JPH2: variants seen among roughly 807,000 people sequenced by gnomAD.
JPH2 encodes the protein junctophilin 2, also known as junctophilin-2.
Under a neutral mutation model 55.9 loss-of-function variants are expected in JPH2, and 38 were observed. The observed-to-expected ratio is 0.68, with a 90% CI of 0.52 to 0.89. The LOEUF is 0.89. Among genes scored for constraint, JPH2 ranks in the 40% least tolerant of loss-of-function variants. The pLI is 0.00. For missense variants in JPH2, 964 were observed against 1,037.6 expected (o/e 0.93, Z 0.97); for synonymous variants, 480 against 472.4 (o/e 1.02, Z -0.21).
intron 2 of JPH2, among the ~76,000 whole-genome samples, chr20:44,148,593 G>A (rs919069196): frequency 2.0e-5 from 3 of 152,186 alleles, no homozygotes; most frequent in African/African-American, 7.2e-5. Context: ...GGGCGAAGGC[G>A]ACCCGAGCTG....
At chr20:44,173,246 T>C (rs555722069) in intron 1 of JPH2, among the ~76,000 whole-genome samples, 11 of 152,108 alleles carry the variant, frequency 7.2e-5, no homozygotes, top group Non-Finnish European at 1.3e-4. Context: ...ATAGATAACA[T>C]CACTACTGTC....
Position 44,159,980 on chromosome 20 carries a change from G to C in JPH2, c.807C>G (p.Ala269=), listed in dbSNP as rs1304217184. 1.3e-6 allele frequency: 2 copies of C among 1,590,962 alleles called. No individual in the cohort carries two copies. The highest frequency in any genetic ancestry group is 4.6e-5 in the East Asian group (2 of 43,934). ...GTGCGGCCTCGTCGGCGCCCTCGGC[G>C]GCCTCTCCCAGGCTGGCGGTGGACG... ...DAASTASLGE[A]AEGADEAAPF... is the part of the protein sequence containing the mutation. Residue 269 remains alanine, a synonymous_variant, in exon 2 of 6, where the codon GCC becomes GCG. Coordinates refer to ENST00000372980, the MANE Select transcript of JPH2 (RefSeq NM_020433.5). The surrounding 1 kb of genome is among the most constrained non-coding windows in gnomAD (Gnocchi z 5.7).
intron 2 of JPH2, among the ~76,000 whole-genome samples, chr20:44,129,822 GA>G (rs2072304586): frequency 6.6e-6 from 1 of 152,106 alleles, no homozygotes; most frequent in South Asian, 2.1e-4. Flanking sequence ...TTTGATAACA[GA>G]AGAGGAGAAG....
At chr20:44,170,220 A>G (rs2072687256) in intron 1 of JPH2, among the ~76,000 whole-genome samples, 1 of 152,010 alleles carries the variant, frequency 6.6e-6, no homozygotes, top group Non-Finnish European at 1.5e-5. Context: ...GTCTTCCCAA[A>G]TCCTTCATAG....
intron 2 of JPH2, among the ~76,000 whole-genome samples, chr20:44,133,302 G>A (rs775301941): frequency 6.6e-6 from 1 of 151,022 alleles, no homozygotes; most frequent in African/African-American, 2.4e-5. Context: ...TGGATATTCT[G>A]AATGTGCATA....
At chr20:44,116,723 C>T (rs1025117331) in intron 3 of JPH2, among the ~76,000 whole-genome samples, 2 of 152,208 alleles carry the variant, frequency 1.3e-5, no homozygotes, top group African/African-American at 4.8e-5. Context: ...GCACGCGTCT[C>T]TTTCCATTCC....
intron 1 of JPH2, among the ~76,000 whole-genome samples, chr20:44,166,220 C>G (rs1274639445): frequency 6.6e-6 from 1 of 152,258 alleles, no homozygotes; most frequent in Non-Finnish European, 1.5e-5. Flanking sequence ...TTTTATGGTT[C>G]CTGTTTTACA....
At chr20:44,131,731 TA>T (rs1170289007) in intron 2 of JPH2, among the ~76,000 whole-genome samples, 3 of 152,246 alleles carry the variant, frequency 2.0e-5, no homozygotes, top group Non-Finnish European at 4.4e-5. Context: ...TTTTTTTCTT[TA>T]AAAATCCATC....
rs1199238212 is a variant in JPH2, at chr20:44,114,607, T to TGC, written c.*14+174_*14+175insGC. ...GTGTGTGTGTGTGTGTGTGTGTGTG[T>TGC]GTGCGCTGGTATCAAATCACACTCT... On this transcript the variant is annotated intron_variant, in intron 5 of 5. Coordinates refer to ENST00000372980, the MANE Select transcript of JPH2 (RefSeq NM_020433.5). Among the ~76,000 whole-genome samples, 939 of 121,956 alleles carry TGC rather than the reference T, an allele frequency of 7.7e-3. 6 individuals are homozygous for TGC. Among genetic ancestry groups the TGC allele is most frequent in the African/African-American group, 0.03 (903 of 30,452 alleles). 80.0% of individuals were successfully genotyped at this position (121,956 alleles called of 152,430 possible).
Position 44,141,195 on chromosome 20 carries a change from A to G in JPH2, c.1169+18423T>C, listed in dbSNP as rs569357612. ...CCTCTTTCCCACTAACGGAAGCCTA[A>G]TTTGTTCAGGGAAGCAACGCATCCG... On this transcript the variant is annotated intron_variant, in intron 2 of 5. Coordinates refer to ENST00000372980, the MANE Select transcript of JPH2 (RefSeq NM_020433.5). Among the ~76,000 whole-genome samples, 6 of 152,288 alleles carry G rather than the reference A, an allele frequency of 3.9e-5. No individual in the cohort carries two copies. In the East Asian group the frequency reaches 1.2e-3, roughly 29 times the overall value.
rs1033822122 is a variant in JPH2, at chr20:44,110,934, C to A, written c.*2584G>T. ...GCCAGGCTCCTGAGGACAGGGTGTG[C>A]CTGAACTCGAGCCTACTGTTGGTTG... On this transcript the variant is annotated 3_prime_UTR_variant, in exon 6 of 6. Transcript: ENST00000372980. Among the ~76,000 whole-genome samples, 1 of 152,132 alleles carries A rather than the reference C, an allele frequency of 6.6e-6. No homozygotes were observed. Among genetic ancestry groups the A allele is most frequent in the Non-Finnish European group, 1.5e-5 (1 of 68,030 alleles).
chr20:44,160,483 G>T lies in JPH2; in HGVS notation c.380-76C>A, dbSNP rs1029141147. The T allele has an allele frequency of 1.3e-6, 2 of 1,487,992 alleles. No individual in the cohort carries two copies. Among genetic ancestry groups the T allele is most frequent in the South Asian group, 2.4e-5 (2 of 84,320 alleles). 92.2% of individuals were successfully genotyped at this position (1,487,992 alleles called of 1,614,324 possible). On this transcript the variant is annotated intron_variant, in intron 1 of 5. Coordinates refer to ENST00000372980, the MANE Select transcript of JPH2 (RefSeq NM_020433.5). This position sits in a 1 kb window ranked among gnomAD's most constrained non-coding sequence, Gnocchi z 4.9. ...TGTGCACGGTGGCCTGGGAGGGCAA[G>T]GGCGGGAGTGGGCAAGGCGGGGTGG...
Position 44,108,832 on chromosome 20 carries a change from G to A in JPH2, c.*4686C>T, listed in dbSNP as rs1426596763. Among the ~76,000 whole-genome samples the A allele has an allele frequency of 1.3e-5, 2 of 152,016 alleles. No individual in the cohort carries two copies. The highest frequency in any genetic ancestry group is 2.9e-5 in the Non-Finnish European group (2 of 67,990). ...GTCCAGGCTCTGTCACTGACTTGCT[G>A]TGTGATCCTTACAAATCACGACACT... On this transcript the variant is annotated 3_prime_UTR_variant, in exon 6 of 6. Transcript: ENST00000372980.
chr20:44,156,035 CAAA>C (rs753733872), intron 2 of JPH2, among the ~76,000 whole-genome samples: 1 of 124,286 alleles, frequency 8.0e-6, no homozygotes, highest in Non-Finnish European at 1.7e-5. Context: ...GACCCTGCCT[CAAA>C]AAAAAAAAAA....
At chr20:44,184,892 C>T (rs1470639644) in intron 1 of JPH2, among the ~76,000 whole-genome samples, 1 of 152,246 alleles carries the variant, frequency 6.6e-6, no homozygotes, top group Non-Finnish European at 1.5e-5. Flanking sequence ...TCTGTACATA[C>T]TTGTGTATAA....
At chr20:44,125,208 C>G (rs1382032265) in intron 2 of JPH2, among the ~76,000 whole-genome samples, 2 of 151,676 alleles carry the variant, frequency 1.3e-5, no homozygotes, top group Non-Finnish European at 2.9e-5. Context: ...TGTTGAAACA[C>G]AACTATGCTC....
intron 5 of JPH2, 137 bp downstream of exon 5, chr20:44,114,645 C>T (rs2072173327): frequency 1.6e-6 from 1 of 644,666 alleles, no homozygotes; most frequent in African/African-American, 1.8e-5. Context: ...GTCTTGGCTT[C>T]TGCAGGTGGG....
At chr20:44,137,538 C>A (rs937702361) in intron 2 of JPH2, among the ~76,000 whole-genome samples, 6 of 152,218 alleles carry the variant, frequency 3.9e-5, no homozygotes, top group Non-Finnish European at 8.8e-5. Flanking sequence ...GGAAGGAATT[C>A]CAGGCAGCTC....
intron 2 of JPH2, among the ~76,000 whole-genome samples, chr20:44,126,544 A>G (rs2072278594): frequency 6.6e-6 from 1 of 152,062 alleles, no homozygotes; most frequent in South Asian, 2.1e-4. Context: ...CAGAACAACC[A>G]TGGTCAGGCT....
Sources: allele counts gnomAD v4.1 joint callset (sites outside exome capture counted in the v4.1 genomes callset), GRCh38; gene constraint gnomAD v4.1.1; non-coding constraint Gnocchi (gnomAD v3.1); transcripts MANE v1.5; gene names NCBI Gene and HGNC (gene_info 2026-07-23, HGNC 2026-07-21).